The following CAPN13 variants were observed in gnomAD, a reference collection of about 807,000 sequenced individuals.
CAPN13 encodes calpain 13.
CAPN13 carries 90 observed loss-of-function variants against 98.4 expected under a neutral mutation model. That is an observed-to-expected ratio of 0.92 (90% CI 0.77 to 1.09). The LOEUF (loss-of-function observed/expected upper bound fraction) is 1.09, where lower values mean the gene tolerates loss of function less well. Among genes scored for constraint, CAPN13 ranks in the 50% least tolerant of loss-of-function variants. The pLI, the probability that CAPN13 is intolerant of heterozygous loss-of-function variation, is 0.00. For synonymous variants in CAPN13, 330 were observed against 305.5 expected (o/e 1.08, Z -0.84); for missense variants, 887 against 841.3 (o/e 1.05, Z -0.67).
chr2:30,780,546 A>G (rs1328356915), intron 2 of CAPN13, among the ~76,000 whole-genome samples: 1 of 150,446 alleles, frequency 6.6e-6, no homozygotes, highest in Admixed American at 6.7e-5. Context: ...CTAGAACAAT[A>G]AAAGTTAAAA....
intron 2 of CAPN13, among the ~76,000 whole-genome samples, chr2:30,786,658 G>A (rs764201598): frequency 2.0e-5 from 3 of 152,148 alleles, no homozygotes; most frequent in Non-Finnish European, 2.9e-5. Context: ...AGAGAGGAGA[G>A]GTGATTATTT....
At chr2:30,728,510 G>C (rs886947499) in intron 22 of CAPN13, among the ~76,000 whole-genome samples, 2 of 152,084 alleles carry the variant, frequency 1.3e-5, no homozygotes, top group Non-Finnish European at 2.9e-5. Context: ...CAGACAGTAA[G>C]GCCAAAGGCT....
intron 12 of CAPN13, chr2:30,745,274 G>A: frequency 2.1e-6 from 1 of 474,464 alleles, no homozygotes; most frequent in Non-Finnish European, 4.4e-6. Context: ...CTGTTTAGGA[G>A]GGTGGCAGTT....
chr2:30,793,084 A>G (rs541192951), intron 1 of CAPN13, among the ~76,000 whole-genome samples: 4 of 152,012 alleles, frequency 2.6e-5, no homozygotes, highest in East Asian at 3.9e-4. Context: ...TCTTCCCTTT[A>G]CAATCAGAAT....
intron 18 of CAPN13, 63 bp downstream of exon 18, chr2:30,736,440 A>G (rs1038385046): frequency 2.7e-6 from 4 of 1,498,164 alleles, no homozygotes; most frequent in African/African-American, 2.8e-5. Flanking sequence ...AGGGTTAGAC[A>G]CCCAGTAAAT....
intron 1 of CAPN13, among the ~76,000 whole-genome samples, chr2:30,794,434 A>G (rs1227019064): frequency 6.6e-6 from 1 of 151,896 alleles, no homozygotes; most frequent in African/African-American, 2.4e-5. Flanking sequence ...TGGAACTTTC[A>G]TACACTCTCA....
chr2:30,751,177 C>T lies in CAPN13; in HGVS notation c.1162G>A (p.Val388Ile), dbSNP rs200602450. The T allele has an allele frequency of 2.8e-4, 458 of 1,613,928 alleles. 1 individual carries two copies. Among genetic ancestry groups the T allele is most frequent in the South Asian group, 8.0e-4 (73 of 91,064 alleles). ...PMEGTNVVVC[V>I]TVAVTPSNLK... ...TTTGATGGTGTGACAGCAACTGTGA[C>T]GCACACGACAACATTGGTGCCTTCC... Residue 388 changes from valine (V) to isoleucine (I), a missense_variant, in exon 11 of 23, where the codon GTC becomes ATC. Val to Ile is a conservative substitution (Grantham distance 29). Transcript: ENST00000295055.
chr2:30,766,136 C>T (rs1477343060), intron 5 of CAPN13, among the ~76,000 whole-genome samples: 1 of 152,252 alleles, frequency 6.6e-6, no homozygotes, highest in Non-Finnish European at 1.5e-5. Context: ...ACCTCCTGCT[C>T]TTTGCAACAG....
At chr2:30,745,592 C>A in intron 12 of CAPN13, 131 bp downstream of exon 12, 2 of 834,724 alleles carry the variant, frequency 2.4e-6, no homozygotes, top group South Asian at 1.6e-5. Context: ...AGGCCTGTGT[C>A]TGATGTAAGA....
chr2:30,772,403 C>A (rs115906152), intron 4 of CAPN13, among the ~76,000 whole-genome samples: 208 of 152,316 alleles, frequency 1.4e-3, no homozygotes, highest in African/African-American at 4.8e-3. Context: ...ATCTACAGAG[C>A]TTAGTGCACT....
At chr2:30,796,369 T>C (rs1360469591) in intron 1 of CAPN13, among the ~76,000 whole-genome samples, 1 of 151,918 alleles carries the variant, frequency 6.6e-6, no homozygotes, top group African/African-American at 2.4e-5. Flanking sequence ...CAACGTAGCA[T>C]AGTAAAGTAG....
intron 1 of CAPN13, among the ~76,000 whole-genome samples, chr2:30,802,550 G>GC (rs1558354531): frequency 6.6e-6 from 1 of 150,782 alleles, no homozygotes; most frequent in Non-Finnish European, 1.5e-5. Context: ...GCTGGGGGGG[G>GC]GGGGTGGTGG....
chr2:30,724,567 GAGTGTACATGTCGGTTTCCC>G (rs994866193), intron 22 of CAPN13, among the ~76,000 whole-genome samples: 5 of 152,108 alleles, frequency 3.3e-5, no homozygotes, highest in African/African-American at 1.2e-4. Flanking sequence ...TATGCCCTTG[GAGTGTACATGTCGGTTTCCC>G]AGTTGGATAC....
At chr2:30,776,347 A>G (rs1338292010) in intron 3 of CAPN13, among the ~76,000 whole-genome samples, 1 of 152,048 alleles carries the variant, frequency 6.6e-6, no homozygotes, top group Non-Finnish European at 1.5e-5. Context: ...TTCTCCTGCC[A>G]CAGCCTCCAC....
At chr2:30,782,152 G>A (rs1421926840) in intron 2 of CAPN13, among the ~76,000 whole-genome samples, 3 of 152,124 alleles carry the variant, frequency 2.0e-5, no homozygotes, top group Non-Finnish European at 2.9e-5. Context: ...TACCCTAATC[G>A]TCTCCAGAGG....
chr2:30,794,810 TA>T (rs1008978204), intron 1 of CAPN13, among the ~76,000 whole-genome samples: 3 of 151,894 alleles, frequency 2.0e-5, no homozygotes, highest in African/African-American at 7.2e-5. Context: ...ACTCCATTTA[TA>T]AAAAAATCCT....
At chr2:30,796,312 T>C (rs1285615959) in intron 1 of CAPN13, among the ~76,000 whole-genome samples, 1 of 151,564 alleles carries the variant, frequency 6.6e-6, no homozygotes, top group African/African-American at 2.4e-5. Context: ...CTATTCCCTG[T>C]GTGTAGACTA....
intron 8 of CAPN13, among the ~76,000 whole-genome samples, chr2:30,756,468 T>C (rs948985867): frequency 4.6e-5 from 7 of 152,334 alleles, no homozygotes; most frequent in African/African-American, 1.7e-4. Flanking sequence ...TGGTGTCCCC[T>C]GTTGCCTTCA....
At chr2:30,779,010 T>C (rs1673844869) in intron 2 of CAPN13, among the ~76,000 whole-genome samples, 1 of 152,208 alleles carries the variant, frequency 6.6e-6, no homozygotes, top group African/African-American at 2.4e-5. Flanking sequence ...TAGCCTTTAC[T>C]TGTCTCCTCT....
Sources: gnomAD v4.1 joint callset for allele counts (sites outside exome capture counted in the v4.1 genomes callset) on GRCh38, gnomAD v4.1.1 for gene constraint, MANE v1.5 for transcripts, NCBI Gene and HGNC (gene_info 2026-07-23, HGNC 2026-07-21) for gene names.